The following HCN1 variants were observed in gnomAD, a reference collection of about 807,000 sequenced individuals.
The protein encoded by HCN1 is hyperpolarization activated cyclic nucleotide gated potassium channel 1.
A neutral mutation model predicts 78.9 loss-of-function variants in HCN1; 13 were observed. The ratio of observed to expected loss-of-function variants is 0.16; its 90% CI spans 0.11 to 0.26. HCN1 has a LOEUF of 0.26. Among genes scored for constraint, HCN1 ranks in the 10% least tolerant of loss-of-function variants. HCN1 has a pLI of 1.00. For synonymous variants in HCN1, 552 were observed against 455.5 expected (o/e 1.21, Z -2.70); for missense variants, 810 against 1,154.3 (o/e 0.70, Z 4.32).
intron 1 of HCN1, among the ~76,000 whole-genome samples, chr5:45,648,984 T>C (rs973697405): frequency 6.6e-6 from 1 of 152,014 alleles, no homozygotes; most frequent in African/African-American, 2.4e-5. Flanking sequence ...CACTCCAGGA[T>C]ATGGCCTCCT....
At chr5:45,676,036 GC>G (rs1487506553) in intron 1 of HCN1, among the ~76,000 whole-genome samples, 2 of 151,756 alleles carry the variant, frequency 1.3e-5, no homozygotes, top group African/African-American at 4.8e-5. Flanking sequence ...GCAGTTGTGT[GC>G]ATGCATCCCT....
chr5:45,433,060 G>A (rs565708071), intron 3 of HCN1, among the ~76,000 whole-genome samples: 3 of 151,908 alleles, frequency 2.0e-5, no homozygotes, highest in East Asian at 3.9e-4. Context: ...CCCCATGACC[G>A]CAATTACCTC....
intron 5 of HCN1, among the ~76,000 whole-genome samples, chr5:45,347,383 A>T (rs915124205): frequency 7.2e-5 from 11 of 152,214 alleles, no homozygotes; most frequent in Non-Finnish European, 1.6e-4. Context: ...CCATCGTCAA[A>T]GAACAAAAGT....
chr5:45,578,062 T>A (rs1312713308), intron 2 of HCN1, among the ~76,000 whole-genome samples: 2 of 151,930 alleles, frequency 1.3e-5, no homozygotes, highest in East Asian at 3.9e-4. Context: ...TTAAGCAAAA[T>A]TAAACAACTG....
chr5:45,299,048 C>G lies in HCN1; in HGVS notation c.1618+4551G>C, dbSNP rs186628793. 5.4e-4 allele frequency among the ~76,000 whole-genome samples: 82 copies of G among 152,066 alleles called. 1 individual carries two copies. The highest frequency in any genetic ancestry group is 1.8e-3 in the African/African-American group (74 of 41,522). On this transcript the variant is annotated intron_variant, in intron 6 of 7. Coordinates refer to ENST00000303230, the MANE Select transcript of HCN1 (RefSeq NM_021072.4). ...GGGACGTTCTACAAGATACCTTAAC[C>G]AGTGCTCCTTAAAACTGTCAAATTA...
chr5:45,490,056 G>A (rs1741851182), intron 2 of HCN1, among the ~76,000 whole-genome samples: 1 of 152,168 alleles, frequency 6.6e-6, no homozygotes, highest in Admixed American at 6.6e-5. Context: ...ATAAGACATT[G>A]CTGGAGCAGC....
At chr5:45,549,843 G>A (rs146811709) in intron 2 of HCN1, among the ~76,000 whole-genome samples, 11,821 of 152,186 alleles carry the variant, frequency 0.078, 598 homozygotes, top group Middle Eastern at 0.15. Context: ...CGAAGGATAC[G>A]AACAGACACT....
chr5:45,291,704 AT>A (rs1238778373), intron 6 of HCN1, among the ~76,000 whole-genome samples: 1 of 151,572 alleles, frequency 6.6e-6, no homozygotes, highest in Non-Finnish European at 1.5e-5. Flanking sequence ...CTACTTTCTG[AT>A]TTTTTGTAGA....
chr5:45,431,272 G>T (rs1235035521), intron 3 of HCN1, among the ~76,000 whole-genome samples: 1 of 151,984 alleles, frequency 6.6e-6, no homozygotes, highest in Non-Finnish European at 1.5e-5. Flanking sequence ...CATGTCCTTT[G>T]CCCTCTTTTT....
In HCN1 at chr5:45,645,693, T is replaced by C. The variant is rs1015959234; in HGVS notation, c.426-85A>G. On this transcript the variant is annotated intron_variant, in intron 1 of 7. Transcript: ENST00000303230. ...ATGAAAAATTATTACTGATATATAG[T>C]GAGATCAATAAGTAAAAGAACAAAG... is the stretch of plus-strand genomic sequence containing the variant. 18 of 729,362 alleles carry C rather than the reference T, an allele frequency of 2.5e-5. No individual in the cohort carries two copies. The African/African-American group carries it at 2.8e-4, about 12-fold the overall frequency. 45.2% of individuals were successfully genotyped at this position (729,362 alleles called of 1,614,324 possible).
At chr5:45,497,729 G>T (rs1186139489) in intron 2 of HCN1, among the ~76,000 whole-genome samples, 2 of 152,164 alleles carry the variant, frequency 1.3e-5, no homozygotes, top group Non-Finnish European at 2.9e-5. Context: ...GGTACTGGTT[G>T]TTCCTTTCCA....
At chr5:45,367,325 T>C (rs191233187) in intron 4 of HCN1, among the ~76,000 whole-genome samples, 1 of 151,930 alleles carries the variant, frequency 6.6e-6, no homozygotes, top group East Asian at 1.9e-4. Context: ...CAATGATTGA[T>C]TTCAAAAGAA....
At position 45,445,053 on chromosome 5, in the gene HCN1, C is replaced by A. The variant is rs200919489; in HGVS notation, c.1011+16793G>T. Among the ~76,000 whole-genome samples the A allele has an allele frequency of 2.8e-4, 43 of 152,300 alleles. No individual in the cohort carries two copies. In the East Asian group the frequency reaches 7.4e-3, roughly 26 times the overall value. ...TGGGCGCAGGACAGTGGGTGCAGCGCACCGTGCGTGAGCCGAAACAGGGCG... is the reference window on the plus strand; with the variant it reads ...TGGGCGCAGGACAGTGGGTGCAGCGAACCGTGCGTGAGCCGAAACAGGGCG... On this transcript the variant is annotated intron_variant, in intron 3 of 7. Transcript: ENST00000303230.
intron 2 of HCN1, among the ~76,000 whole-genome samples, chr5:45,533,631 A>C (rs1742904182): frequency 6.6e-6 from 1 of 152,204 alleles, no homozygotes; most frequent in South Asian, 2.1e-4. Flanking sequence ...TTATTATGCC[A>C]AAATCCTATG....
intron 1 of HCN1, among the ~76,000 whole-genome samples, chr5:45,688,191 T>G (rs915839856): frequency 6.6e-6 from 1 of 152,146 alleles, no homozygotes; most frequent in African/African-American, 2.4e-5. Flanking sequence ...TGGAGTGACT[T>G]CAAGAGGGAG....
chr5:45,460,185 A>G (rs1741116942), intron 3 of HCN1, among the ~76,000 whole-genome samples: 1 of 152,118 alleles, frequency 6.6e-6, no homozygotes, highest in Admixed American at 6.6e-5. Flanking sequence ...CAATGTTGGG[A>G]GGTGGGGTCT....
chr5:45,494,595 T>G (rs1741980356), intron 2 of HCN1, among the ~76,000 whole-genome samples: 1 of 151,964 alleles, frequency 6.6e-6, no homozygotes, highest in Non-Finnish European at 1.5e-5. Context: ...GCAGAAGCTC[T>G]TGAGTTTAAT....
chr5:45,606,716 CAAAT>C (rs1415776217), intron 2 of HCN1, among the ~76,000 whole-genome samples: 5 of 151,834 alleles, frequency 3.3e-5, no homozygotes, highest in Non-Finnish European at 4.4e-5. Flanking sequence ...AACAAACAAA[CAAAT>C]AAACCCCACT....
At chr5:45,279,633 A>G (rs1037751113) in intron 6 of HCN1, among the ~76,000 whole-genome samples, 15 of 152,118 alleles carry the variant, frequency 9.9e-5, no homozygotes, top group Admixed American at 1.3e-4. Flanking sequence ...ATACCATAAT[A>G]AAATCTCATA....
Sources: gnomAD v4.1 joint callset for allele counts (sites outside exome capture counted in the v4.1 genomes callset) on GRCh38, gnomAD v4.1.1 for gene constraint, MANE v1.5 for transcripts, NCBI Gene and HGNC (gene_info 2026-07-23, HGNC 2026-07-21) for gene names.